The following OXNAD1 variants were observed in gnomAD, a reference collection of about 807,000 sequenced individuals.
OXNAD1 encodes oxidoreductase NAD-binding domain-containing protein 1.
OXNAD1 carries 34 observed loss-of-function variants against 32.9 expected under a neutral mutation model. The ratio of observed to expected loss-of-function variants is 1.03; its 90% CI spans 0.79 to 1.38. OXNAD1 has a LOEUF of 1.38. Among genes scored for constraint, OXNAD1 ranks in the 40% most tolerant of loss-of-function variants. The probability of loss-of-function intolerance (pLI) is 0.00; values close to 1 mark genes in which losing one functional copy is unlikely to be tolerated. For missense variants in OXNAD1, 407 were observed against 379.4 expected, an observed-to-expected ratio of 1.07 and a Z score of -0.60; for synonymous variants, 134 against 135.2, an observed-to-expected ratio of 0.99 and a Z score of 0.06.
rs1046190188 is a variant in OXNAD1 at position 16,329,874 on chromosome 3, G to T, written c.*31-7238G>T. Among the ~76,000 whole-genome samples the T allele has an allele frequency of 1.3e-5, 2 of 152,122 alleles. No individual in the cohort carries two copies. Among genetic ancestry groups the T allele is most frequent in the Non-Finnish European group, 2.9e-5 (2 of 68,026 alleles). On this transcript the variant is annotated intron_variant, in intron 9 of 9. Transcript: ENST00000435829. This position sits in a 1 kb window ranked among gnomAD's most constrained non-coding sequence, Gnocchi z 4.5. ...AGTGGCAGAATGGAGTCCTTTTATT[G>T]GTGGCTGCATCTCGGGCCAGGTTTT...
Position 16,317,576 on chromosome 3 carries a change from T to C in OXNAD1, c.*30+13984T>C, listed in dbSNP as rs574099679. 3.9e-5 allele frequency among the ~76,000 whole-genome samples: 6 copies of C among 152,306 alleles called. No individual in the cohort carries two copies. In the East Asian group the frequency reaches 1.2e-3, roughly 29 times the overall value. On this transcript the variant is annotated intron_variant, in intron 9 of 9. Coordinates refer to the OXNAD1 transcript ENST00000435829. The surrounding 1 kb of genome is among the most constrained non-coding windows in gnomAD (Gnocchi z 4.3). ...GGAGGGCCAGGATGGAGAGGAGATG[T>C]GAGGCCTGCCCCCAGTAAGAGCCAG...
At position 16,290,358 on chromosome 3, in the gene OXNAD1, T is replaced by C. The variant is rs2125054118; in HGVS notation, c.290+3910T>C. Among the ~76,000 whole-genome samples the C allele has an allele frequency of 6.6e-6, 1 of 152,318 alleles. No individual in the cohort carries two copies. The highest frequency in any genetic ancestry group is 2.4e-5 in the African/African-American group (1 of 41,574). ...TCTTAAATCCATTCAGATGAAGTTT[T>C]TATGTAACTTAAATTCTTCTGTATT... On this transcript the variant is annotated intron_variant, in intron 5 of 8. Coordinates refer to ENST00000285083, the MANE Select transcript of OXNAD1 (RefSeq NM_138381.5). This position sits in a 1 kb window ranked among gnomAD's most constrained non-coding sequence, Gnocchi z 4.2.
chr3:16,307,286 CT>C (rs956005844), downstream of OXNAD1, among the ~76,000 whole-genome samples: 5 of 152,274 alleles, frequency 3.3e-5, no homozygotes, highest in African/African-American at 9.6e-5. Flanking sequence ...GTCGCCCCTG[CT>C]GTGTCAGTGG....
intron 9 of OXNAD1, among the ~76,000 whole-genome samples, chr3:16,333,726 GAAAAA>G (rs930636954): frequency 6.6e-6 from 1 of 150,814 alleles, no homozygotes; most frequent in Non-Finnish European, 1.5e-5. Context: ...TCATATTACA[GAAAAA>G]AAAGGGCTTG....
In OXNAD1 at chr3:16,301,707, C is replaced by T. The variant is rs1183830774; in HGVS notation, c.514C>T (p.Leu172Phe). 3.1e-6 allele frequency: 5 copies of T among 1,614,022 alleles called. No homozygotes were observed. The highest frequency in any genetic ancestry group is 3.4e-6 in the Non-Finnish European group (4 of 1,179,988). Residue 172 changes from leucine to phenylalanine, a missense_variant, in exon 7 of 9, where the codon CTC (leucine) becomes TTC (phenylalanine). By Grantham distance (22) the Leu-to-Phe change is conservative. Coordinates refer to ENST00000285083, the MANE Select transcript of OXNAD1 (RefSeq NM_138381.5). This position sits in a 1 kb window ranked among gnomAD's most constrained non-coding sequence, Gnocchi z 4.1. ...TCAGCCTGCGGATGCCTCTAGAAAC[C>T]TCGTGTTGATTGCAGGAGGAGTCGG... Reference protein sequence around the residue: ...DPQPADASRNLVLIAGGVGIN... With the variant: ...DPQPADASRNFVLIAGGVGIN...
intron 1 of OXNAD1, among the ~76,000 whole-genome samples, chr3:16,267,820 G>A (rs1216794086): frequency 6.6e-6 from 1 of 152,154 alleles, no homozygotes; most frequent in Admixed American, 6.5e-5. Flanking sequence ...ATAGTGCCTG[G>A]CACCCCTGTA....
rs2068190748 is a variant in OXNAD1 at position 16,314,417 on chromosome 3, C to T, written c.*30+10825C>T. ...CAGAGACCCTGTGGCCAGTGGTATT[C>T]AACTTTGGCTGCACCTAGAGTCCTC... On this transcript the variant is annotated intron_variant, in intron 9 of 9. Transcript: ENST00000435829. This position sits in a 1 kb window ranked among gnomAD's most constrained non-coding sequence, Gnocchi z 4.4. The T allele has an allele frequency of 6.6e-6, 1 of 152,138 alleles. No individual in the cohort carries two copies. 9.4% of individuals were successfully genotyped at this position (152,138 alleles called of 1,614,324 possible).
intron 4 of OXNAD1, among the ~76,000 whole-genome samples, chr3:16,282,773 G>T (rs2065835991): frequency 6.8e-6 from 1 of 146,066 alleles, no homozygotes; most frequent in Admixed American, 6.9e-5. Context: ...CAAGCACAGT[G>T]ATCCAGGAGG....
In OXNAD1 at chr3:16,287,995, C is replaced by T. The variant is rs985578850; in HGVS notation, c.290+1547C>T. On this transcript the variant is annotated intron_variant, in intron 5 of 8. Coordinates refer to ENST00000285083, the MANE Select transcript of OXNAD1 (RefSeq NM_138381.5). The surrounding 1 kb of genome is among the most constrained non-coding windows in gnomAD (Gnocchi z 4.8). ...CTGGTAGTGTGTGACGCTTTCCCTC[C>T]CAGGTGTTGATCAGCATTCATTCCA... is the stretch of plus-strand genomic sequence containing the variant. Among the ~76,000 whole-genome samples, 4 of 152,230 alleles carry T rather than the reference C, an allele frequency of 2.6e-5. 1 individual carries two copies. The East Asian group carries it at 7.7e-4, about 29-fold the overall frequency.
In OXNAD1 at chr3:16,321,844, A is replaced by C. The variant is rs2069093346; in HGVS notation, c.*31-15268A>C. On this transcript the variant is annotated intron_variant, in intron 9 of 9. Coordinates refer to the OXNAD1 transcript ENST00000435829. The surrounding 1 kb of genome is among the most constrained non-coding windows in gnomAD (Gnocchi z 4.8). Reference sequence around the variant, plus strand: ...CAACCTTATTACAGCAGCTTTTACAAATCTATCTCTAAAGTCTCCCTGCCG... The same window carrying C: ...CAACCTTATTACAGCAGCTTTTACACATCTATCTCTAAAGTCTCCCTGCCG... 6.6e-6 allele frequency among the ~76,000 whole-genome samples: 1 copy of C among 152,230 alleles called. No homozygotes were observed. The highest frequency in any genetic ancestry group is 2.4e-5 in the African/African-American group (1 of 41,542).
intron 9 of OXNAD1, among the ~76,000 whole-genome samples, chr3:16,325,582 T>G (rs1234507617): frequency 6.6e-6 from 1 of 152,254 alleles, no homozygotes; most frequent in East Asian, 1.9e-4. Flanking sequence ...TGGGTTCAAG[T>G]CTTCAGGCCC....
rs762324328 is a variant in OXNAD1, at chr3:16,295,045, C to T, written c.432+48C>T. 65 of 1,542,314 alleles carry T rather than the reference C, an allele frequency of 4.2e-5. No homozygotes were observed. The East Asian group carries it at 7.5e-4, about 18-fold the overall frequency. On this transcript the variant is annotated intron_variant, in intron 6 of 8. Transcript: ENST00000285083. ...CGCGATGATCTGGGTATCTCTGCCACCCACAAAATTTGTGTTAAGCTCATT... is the reference window on the plus strand; with the variant it reads ...CGCGATGATCTGGGTATCTCTGCCATCCACAAAATTTGTGTTAAGCTCATT...
downstream of OXNAD1, among the ~76,000 whole-genome samples, chr3:16,351,135 C>T (rs2072069890): frequency 6.6e-6 from 1 of 152,130 alleles, no homozygotes; most frequent in Non-Finnish European, 1.5e-5. The surrounding 1 kb of genome is among the most constrained non-coding windows in gnomAD (Gnocchi z 5.4). Context: ...AGTGTGTCAT[C>T]GAGCCTTTCA....
chr3:16,328,767 C>G (rs1224044381), intron 9 of OXNAD1, among the ~76,000 whole-genome samples: 1 of 152,196 alleles, frequency 6.6e-6, no homozygotes, highest in Admixed American at 6.5e-5. Flanking sequence ...CCTGATGCAG[C>G]TAAGTCTGAG....
At chr3:16,273,144 A>G (rs959638336) in intron 4 of OXNAD1, among the ~76,000 whole-genome samples, 1 of 152,178 alleles carries the variant, frequency 6.6e-6, no homozygotes, top group Non-Finnish European at 1.5e-5. Context: ...TACAAGACCA[A>G]TTAATTTTAA....
rs2064468051 is a variant in OXNAD1 at position 16,265,996 on chromosome 3, G to T, written c.-159+491G>T. The stretch of plus-strand genomic sequence containing the variant: ...GAAAGCAGTGCTAGTGCCTGTTTTG[G>T]TAAAACCGATTACATTGGGTCTTAC... On this transcript the variant is annotated intron_variant, in intron 1 of 8. Coordinates refer to ENST00000285083, the MANE Select transcript of OXNAD1 (RefSeq NM_138381.5). This position sits in a 1 kb window ranked among gnomAD's most constrained non-coding sequence, Gnocchi z 4.8. 1.3e-6 allele frequency: 1 copy of T among 744,288 alleles called. No individual in the cohort carries two copies. The highest frequency in any genetic ancestry group is 1.6e-6 in the Non-Finnish European group (1 of 610,026). The allele number at this position is 744,288 out of a possible 1,614,324, so 46.1% of individuals were successfully genotyped here.
intron 9 of OXNAD1, chr3:16,326,995 A>G (rs894230987): frequency 7.4e-6 from 5 of 679,200 alleles, no homozygotes; most frequent in Middle Eastern, 4.1e-4. Context: ...GTGCCCGGCC[A>G]CTCAGAGGCT....
In OXNAD1 at chr3:16,348,974, C is replaced by A. The variant is rs76458044; in HGVS notation, c.*31-202C>A. On this transcript the variant is annotated intron_variant, in intron 9 of 9. Transcript: ENST00000606098. This position sits in a 1 kb window ranked among gnomAD's most constrained non-coding sequence, Gnocchi z 6.3. ...CTGGCTAAAAGAGGTAAAAGAGGGACAGACAGCCATCCCAGGCTCCACTAT... is the reference window on the plus strand; with the variant it reads ...CTGGCTAAAAGAGGTAAAAGAGGGAAAGACAGCCATCCCAGGCTCCACTAT... Among the ~76,000 whole-genome samples, 2,352 of 152,236 alleles carry A rather than the reference C, an allele frequency of 0.015. 57 individuals carry two copies. The highest frequency in any genetic ancestry group is 0.054 in the African/African-American group (2,256 of 41,514).
rs2068561527 is a variant in OXNAD1 at position 16,317,659 on chromosome 3, G to A, written c.*30+14067G>A. ...CTGAGGATTACCAGGCACGGGGCTG[G>A]CATTCTCTCACTAGGTCACCTGAGT... On this transcript the variant is annotated intron_variant, in intron 9 of 9. Transcript: ENST00000435829. The surrounding 1 kb of genome is among the most constrained non-coding windows in gnomAD (Gnocchi z 4.3). Among the ~76,000 whole-genome samples the A allele has an allele frequency of 6.6e-6, 1 of 152,172 alleles. No individual in the cohort carries two copies. Among genetic ancestry groups the A allele is most frequent in the Non-Finnish European group, 1.5e-5 (1 of 68,042 alleles).
Sources: gnomAD v4.1 joint callset for allele counts (sites outside exome capture counted in the v4.1 genomes callset) on GRCh38, gnomAD v4.1.1 for gene constraint, Gnocchi (gnomAD v3.1) non-coding constraint, MANE v1.5 for transcripts, NCBI Gene and HGNC (gene_info 2026-07-23, HGNC 2026-07-21) for gene names.